Variants in JAZF1 observed in about 807,000 individuals in gnomAD.
The protein encoded by JAZF1 is juxtaposed with another zinc finger protein 1.
A neutral mutation model predicts 26.4 loss-of-function variants in JAZF1; 8 were observed. The ratio of observed to expected loss-of-function variants is 0.30; its 90% CI spans 0.18 to 0.55. The LOEUF is 0.55. JAZF1 is among the 20% of genes least tolerant of loss of function. JAZF1 has a pLI of 0.94. For missense variants in JAZF1, 199 were observed against 322.0 expected, an observed-to-expected ratio of 0.62 and a Z score of 2.92; for synonymous variants, 126 against 122.3, an observed-to-expected ratio of 1.03 and a Z score of -0.20.
At chr7:28,086,403 G>C (rs148506480) in intron 1 of JAZF1, among the ~76,000 whole-genome samples, 6 of 152,338 alleles carry the variant, frequency 3.9e-5, no homozygotes, top group Non-Finnish European at 8.8e-5. Context: ...GTTTTCAGCT[G>C]TTGTGTGTTC....
chr7:28,150,571 G>A (rs1783097355), intron 1 of JAZF1, among the ~76,000 whole-genome samples: 1 of 152,236 alleles, frequency 6.6e-6, no homozygotes, highest in South Asian at 2.1e-4. Flanking sequence ...ATGAGGACCG[G>A]TGGGAACACT....
chr7:27,897,722 G>A (rs1784093956), intron 2 of JAZF1, among the ~76,000 whole-genome samples: 1 of 152,218 alleles, frequency 6.6e-6, no homozygotes, highest in Admixed American at 6.5e-5. Flanking sequence ...CGTGTTTCAA[G>A]AGCTTTGGCT....
chr7:28,176,388 A>G (rs1336020066), intron 1 of JAZF1, among the ~76,000 whole-genome samples: 1 of 152,212 alleles, frequency 6.6e-6, no homozygotes, highest in Non-Finnish European at 1.5e-5. Flanking sequence ...CTGCGCCCAG[A>G]ATGTCCTCAT....
At chr7:27,855,317 T>C (rs1783226454) in intron 3 of JAZF1, among the ~76,000 whole-genome samples, 1 of 151,802 alleles carries the variant, frequency 6.6e-6, no homozygotes, top group Non-Finnish European at 1.5e-5. Context: ...TTAGAAGAAC[T>C]ACAGAAGCAA....
chr7:28,134,921 G>A (rs867535991), intron 1 of JAZF1, among the ~76,000 whole-genome samples: 9 of 152,076 alleles, frequency 5.9e-5, no homozygotes, highest in Non-Finnish European at 1.0e-4. Context: ...GCTACCTCCC[G>A]AATGCCTAGA....
chr7:28,076,910 C>G (rs1784060155), intron 1 of JAZF1, among the ~76,000 whole-genome samples: 1 of 152,084 alleles, frequency 6.6e-6, no homozygotes, highest in East Asian at 1.9e-4. Flanking sequence ...CTAGAGACTG[C>G]TTGTCAAGTG....
chr7:27,855,484 A>G (rs1012769915), intron 3 of JAZF1, among the ~76,000 whole-genome samples: 7 of 152,166 alleles, frequency 4.6e-5, no homozygotes, highest in Non-Finnish European at 8.8e-5. Context: ...ACTAATAAGA[A>G]AAGAGAGAAG....
At chr7:27,990,860 T>A (rs1785885866) in intron 2 of JAZF1, among the ~76,000 whole-genome samples, 1 of 152,180 alleles carries the variant, frequency 6.6e-6, no homozygotes, top group Non-Finnish European at 1.5e-5. Context: ...TTATTGGTAA[T>A]GAAAAATTGG....
intron 2 of JAZF1, among the ~76,000 whole-genome samples, chr7:27,919,728 G>A (rs541990487): frequency 2.6e-5 from 4 of 152,156 alleles, no homozygotes; most frequent in Non-Finnish European, 5.9e-5. Context: ...GAGTGCTCTG[G>A]AACGCCAAGG....
intron 3 of JAZF1, among the ~76,000 whole-genome samples, chr7:27,873,762 C>T (rs867467614): frequency 6.6e-6 from 1 of 152,200 alleles, no homozygotes; most frequent in South Asian, 2.1e-4. Context: ...CTCATCTTTG[C>T]ATCCCCTCCA....
At chr7:27,869,585 T>C (rs1384302036) in intron 3 of JAZF1, among the ~76,000 whole-genome samples, 1 of 152,076 alleles carries the variant, frequency 6.6e-6, no homozygotes, top group Non-Finnish European at 1.5e-5. Flanking sequence ...CTTCCTAGTG[T>C]GGTGATCCCA....
At chr7:27,858,645 T>TGG (rs1783318009) in intron 3 of JAZF1, among the ~76,000 whole-genome samples, 2 of 152,208 alleles carry the variant, frequency 1.3e-5, no homozygotes, top group Non-Finnish European at 2.9e-5. Context: ...ATTCCCTATT[T>TGG]AATAAATGCT....
At chr7:27,965,736 A>G (rs924234793) in intron 2 of JAZF1, among the ~76,000 whole-genome samples, 12 of 152,202 alleles carry the variant, frequency 7.9e-5, no homozygotes, top group Admixed American at 6.5e-5. Context: ...GAGAAAAACA[A>G]AGCCAAAAAT....
intron 1 of JAZF1, among the ~76,000 whole-genome samples, chr7:28,092,069 C>G (rs1330845924): frequency 6.6e-6 from 1 of 151,834 alleles, no homozygotes; most frequent in Non-Finnish European, 1.5e-5. Context: ...TCTCTTTCCT[C>G]TCATTGAGGG....
chr7:28,036,619 C>T (rs1462890326), intron 1 of JAZF1, among the ~76,000 whole-genome samples: 1 of 152,202 alleles, frequency 6.6e-6, no homozygotes, highest in Admixed American at 6.5e-5. Flanking sequence ...TCATGGCACA[C>T]AGATTATTCT....
chr7:27,891,380 C>T (rs771786165), intron 3 of JAZF1, among the ~76,000 whole-genome samples: 2 of 152,120 alleles, frequency 1.3e-5, no homozygotes, highest in Non-Finnish European at 2.9e-5. Context: ...AGCATATTTA[C>T]TATATGGACC....
At chr7:28,054,911 A>G (rs1487871516) in intron 1 of JAZF1, among the ~76,000 whole-genome samples, 2 of 152,078 alleles carry the variant, frequency 1.3e-5, no homozygotes, top group Admixed American at 6.6e-5. Flanking sequence ...AACAAGCTAC[A>G]GTGCATGGCG....
chr7:27,933,403 C>T (rs1784716021), intron 2 of JAZF1, among the ~76,000 whole-genome samples: 2 of 152,200 alleles, frequency 1.3e-5, no homozygotes, highest in South Asian at 4.1e-4. Flanking sequence ...GCTGCTTCTG[C>T]AGTAGGAAAT....
intron 1 of JAZF1, among the ~76,000 whole-genome samples, chr7:28,136,491 C>T (rs1310780133): frequency 6.6e-6 from 1 of 152,252 alleles, no homozygotes; most frequent in East Asian, 1.9e-4. Context: ...GAAACAGCAG[C>T]GTGCTCAGAA....
Sources: gnomAD v4.1 joint callset for allele counts (sites outside exome capture counted in the v4.1 genomes callset) on GRCh38, gnomAD v4.1.1 for gene constraint, MANE v1.5 for transcripts, NCBI Gene and HGNC (gene_info 2026-07-23, HGNC 2026-07-21) for gene names.